The following PHLDB2 variants were observed in gnomAD, a reference collection of about 807,000 sequenced individuals.
PHLDB2 encodes pleckstrin homology like domain family B member 2.
In PHLDB2, 71 loss-of-function variants were observed where a neutral mutation model predicts 123.6. That is an observed-to-expected ratio of 0.57 (90% CI 0.47 to 0.70). The LOEUF is 0.70. Ranked by LOEUF, PHLDB2 falls within the 30% of genes least tolerant of loss-of-function variation. PHLDB2 has a pLI of 0.00. For missense variants in PHLDB2, 1,446 were observed against 1,519.5 expected (o/e 0.95, Z 0.80); for synonymous variants, 547 against 541.6 (o/e 1.01, Z -0.14).
intron 6 of PHLDB2, among the ~76,000 whole-genome samples, chr3:111,939,053 C>A (rs750214389): frequency 5.3e-5 from 8 of 152,098 alleles, no homozygotes; most frequent in Non-Finnish European, 1.2e-4. Flanking sequence ...GGTGATCCCC[C>A]CTCCTCAGCC....
chr3:111,867,369 T>G (rs1454834750), intron 1 of PHLDB2, among the ~76,000 whole-genome samples: 1 of 152,168 alleles, frequency 6.6e-6, no homozygotes, highest in Non-Finnish European at 1.5e-5. Context: ...TAAAAGATAC[T>G]TTATCATGAA....
At chr3:111,786,796 A>G (rs183918868) in intron 1 of PHLDB2, among the ~76,000 whole-genome samples, 1 of 152,298 alleles carries the variant, frequency 6.6e-6, no homozygotes, top group East Asian at 1.9e-4. Flanking sequence ...GTCCCCTCAA[A>G]GCCTAAGATC....
At chr3:111,750,456 G>GC (rs2059750289) in intron 1 of PHLDB2, among the ~76,000 whole-genome samples, 1 of 152,174 alleles carries the variant, frequency 6.6e-6, no homozygotes, top group African/African-American at 2.4e-5. Context: ...CAATACACAT[G>GC]GCTGCAATGC....
chr3:111,732,728 C>A, intron 1 of PHLDB2: 1 of 1,514,442 alleles, frequency 6.6e-7, no homozygotes, highest in Non-Finnish European at 8.9e-7. Flanking sequence ...TGGTCACTGG[C>A]CCTTCTCTTG....
intron 1 of PHLDB2, among the ~76,000 whole-genome samples, chr3:111,740,935 G>C (rs865949115): frequency 3.3e-5 from 5 of 151,156 alleles, no homozygotes; most frequent in Non-Finnish European, 4.4e-5. Flanking sequence ...GGAGAGGAGA[G>C]GGGGGAGAAA....
At chr3:111,742,554 T>C (rs991390476) in intron 1 of PHLDB2, among the ~76,000 whole-genome samples, 3 of 151,656 alleles carry the variant, frequency 2.0e-5, no homozygotes, top group African/African-American at 7.3e-5. Flanking sequence ...AGTGAGAAAA[T>C]GCGGTGTTTG....
chr3:111,755,558 CT>C (rs2059872563), intron 1 of PHLDB2, among the ~76,000 whole-genome samples: 1 of 147,826 alleles, frequency 6.8e-6, no homozygotes, highest in African/African-American at 2.6e-5. Flanking sequence ...CTTTATTAGT[CT>C]TGCTAGTGGT....
At chr3:111,903,531 G>A (rs944441957) in intron 2 of PHLDB2, among the ~76,000 whole-genome samples, 11 of 152,128 alleles carry the variant, frequency 7.2e-5, no homozygotes, top group African/African-American at 2.7e-4. Flanking sequence ...GATTTTTCAG[G>A]GAGACATTTG....
chr3:111,932,509 C>G (rs761477288), intron 6 of PHLDB2, 112 bp downstream of exon 6: 45 of 1,129,712 alleles, frequency 4.0e-5, no homozygotes, highest in Non-Finnish European at 5.2e-5. Context: ...TGCATAAGTT[C>G]TAGTCATTAG....
chr3:111,752,541 A>G (rs984601037), intron 1 of PHLDB2, among the ~76,000 whole-genome samples: 13 of 151,768 alleles, frequency 8.6e-5, no homozygotes, highest in Non-Finnish European at 1.5e-4. Context: ...AAATGCATCT[A>G]TTTTGCTGTT....
rs766219693 is a variant in PHLDB2 at position 111,884,793 on chromosome 3, G to A, written c.716G>A (p.Arg239Lys). The A allele has an allele frequency of 6.2e-7, 1 of 1,614,052 alleles. No homozygotes were observed. Among genetic ancestry groups the A allele is most frequent in the Non-Finnish European group, 8.5e-7 (1 of 1,180,000 alleles). ...TCTGAAAACATCAATTTGAGAACTA[G>A]GAAGTACTCCAGCAGCAGCCTGAGT... ...LASENINLRT[R>K]KYSSSSLSHM... Residue 239 changes from arginine (R) to lysine (K), a missense_variant, in exon 2 of 18, where the codon AGG (arginine) becomes AAG (lysine). Arg to Lys is a conservative substitution (Grantham distance 26, BLOSUM62 2). Transcript: ENST00000431670.
intron 2 of PHLDB2, among the ~76,000 whole-genome samples, chr3:111,901,075 A>G (rs2067167037): frequency 6.6e-6 from 1 of 152,038 alleles, no homozygotes; most frequent in African/African-American, 2.4e-5. Flanking sequence ...AAATTTTAAC[A>G]CAGGCCAGGC....
chr3:111,958,914 A>G (rs1361153137), intron 12 of PHLDB2, among the ~76,000 whole-genome samples: 1 of 152,226 alleles, frequency 6.6e-6, no homozygotes. Context: ...ATAGATGAAA[A>G]GATAAATTCA....
chr3:111,941,906 G>A (rs568549791), intron 8 of PHLDB2, among the ~76,000 whole-genome samples: 123 of 152,266 alleles, frequency 8.1e-4, no homozygotes, highest in Non-Finnish European at 1.2e-3. Flanking sequence ...CCAGCAGCCC[G>A]CACATATTTC....
chr3:111,972,314 A>G (rs1281334044), intron 16 of PHLDB2, among the ~76,000 whole-genome samples: 1 of 152,208 alleles, frequency 6.6e-6, no homozygotes, highest in Non-Finnish European at 1.5e-5. Flanking sequence ...AGGAAAAACA[A>G]AGAAAAAAAT....
intron 1 of PHLDB2, among the ~76,000 whole-genome samples, chr3:111,772,267 T>C (rs544987449): frequency 6.6e-6 from 1 of 152,316 alleles, no homozygotes; most frequent in African/African-American, 2.4e-5. Context: ...TATTTTCCAA[T>C]GTGCCCTTGG....
chr3:111,901,538 A>G (rs1024756262), intron 2 of PHLDB2, among the ~76,000 whole-genome samples: 2 of 150,058 alleles, frequency 1.3e-5, no homozygotes, highest in Non-Finnish European at 3.0e-5. Flanking sequence ...TTTTTAAAGG[A>G]TAGGATATGT....
chr3:111,867,666 G>A (rs1440020301), intron 1 of PHLDB2, among the ~76,000 whole-genome samples: 5 of 151,942 alleles, frequency 3.3e-5, no homozygotes. Flanking sequence ...TTTCCAGTCT[G>A]AAATTCTCTG....
chr3:111,885,425 T>A lies in PHLDB2; in HGVS notation c.1335+13T>A. 6.2e-7 allele frequency: 1 copy of A among 1,613,892 alleles called. No individual in the cohort carries two copies. Among genetic ancestry groups the A allele is most frequent in the Non-Finnish European group, 8.5e-7 (1 of 1,180,020 alleles). Reference sequence around the variant, plus strand: ...AATGGAGCGATTGGTAATCTTCATCTCAACAGTGATTGACCTCACTGTTTC... The same window carrying A: ...AATGGAGCGATTGGTAATCTTCATCACAACAGTGATTGACCTCACTGTTTC... On this transcript the variant is annotated intron_variant, in intron 2 of 17. Coordinates refer to ENST00000431670, the MANE Select transcript of PHLDB2 (RefSeq NM_001134438.2).
Sources: allele counts gnomAD v4.1 joint callset (sites outside exome capture counted in the v4.1 genomes callset), GRCh38; gene constraint gnomAD v4.1.1; transcripts MANE v1.5; gene names NCBI Gene and HGNC (gene_info 2026-07-23, HGNC 2026-07-21).